The following LDLRAD3 variants were observed in gnomAD, a reference collection of about 807,000 sequenced individuals.
LDLRAD3 encodes low density lipoprotein receptor class A domain containing 3.
In LDLRAD3, 20 loss-of-function variants were observed where a neutral mutation model predicts 29.4. The observed-to-expected ratio is 0.68, with a 90% confidence interval of 0.48 to 0.99. LDLRAD3 has a LOEUF of 0.99. LDLRAD3 is among the 50% of genes least tolerant of loss of function. The pLI, the probability that LDLRAD3 is intolerant of heterozygous loss-of-function variation, is 0.00. For synonymous variants in LDLRAD3, 157 were observed against 192.7 expected, an observed-to-expected ratio of 0.81 and a Z score of 1.53; for missense variants, 420 against 454.3, an observed-to-expected ratio of 0.92 and a Z score of 0.69.
At position 36,231,593 on chromosome 11, in the gene LDLRAD3, G is replaced by T. The variant is rs1451566209; in HGVS notation, c.*2196G>T. The T allele has an allele frequency of 6.6e-6, 1 of 152,060 alleles. No homozygotes were observed. The highest frequency in any genetic ancestry group is 1.5e-5 in the Non-Finnish European group (1 of 67,998). The allele number at this position is 152,060 out of a possible 1,614,324, so 9.4% of individuals were successfully genotyped here. On this transcript the variant is annotated 3_prime_UTR_variant, in exon 6 of 6. Transcript: ENST00000315571. ...AATCTCACTCGCTTTTCTGCTTCCA[G>T]GCATCTTAGGAAAAACAAATGGTTT... is the stretch of plus-strand genomic sequence containing the variant.
At chr11:36,114,779 C>G (rs1853651983) in intron 4 of LDLRAD3, among the ~76,000 whole-genome samples, 1 of 152,282 alleles carries the variant, frequency 6.6e-6, no homozygotes, top group South Asian at 2.1e-4. Flanking sequence ...CATGGTGCGT[C>G]TCTCTTCCCA....
chr11:36,033,236 T>G (rs1448899351), intron 1 of LDLRAD3, among the ~76,000 whole-genome samples: 1 of 152,198 alleles, frequency 6.6e-6, no homozygotes, highest in East Asian at 1.9e-4. Flanking sequence ...ACCAGCTGCA[T>G]GCCTAATGCG....
intron 2 of LDLRAD3, among the ~76,000 whole-genome samples, chr11:36,068,645 TAGC>T (rs931055863): frequency 1.3e-5 from 2 of 152,106 alleles, no homozygotes; most frequent in African/African-American, 4.8e-5. Flanking sequence ...ACCTCCCGAG[TAGC>T]TGGGACTACA....
chr11:36,132,250 A>C (rs1853937325), intron 4 of LDLRAD3, among the ~76,000 whole-genome samples: 1 of 152,202 alleles, frequency 6.6e-6, no homozygotes, highest in South Asian at 2.1e-4. Flanking sequence ...AGGAGGCTGC[A>C]TTAAGAGGCT....
At chr11:36,011,455 G>C (rs1468092666) in intron 1 of LDLRAD3, among the ~76,000 whole-genome samples, 2 of 152,166 alleles carry the variant, frequency 1.3e-5, no homozygotes, top group Non-Finnish European at 2.9e-5. Context: ...CACTGGCTAG[G>C]AATTTTAGAA....
chr11:36,222,226 G>A (rs1039973333), intron 4 of LDLRAD3, among the ~76,000 whole-genome samples: 2 of 151,940 alleles, frequency 1.3e-5, no homozygotes, highest in Non-Finnish European at 2.9e-5. Context: ...ATGCCACTAC[G>A]CCCAGCTAAT....
chr11:36,090,979 C>T lies in LDLRAD3; in HGVS notation c.320-7348C>T, dbSNP rs565456852. On this transcript the variant is annotated intron_variant, in intron 3 of 5. Transcript: ENST00000315571. ...TCAAGGCAGCGAGCATTTTCCAAGT[C>T]ACAAAGGGTGCAGGGCTTGTTGTCG... Among the ~76,000 whole-genome samples the T allele has an allele frequency of 6.7e-4, 102 of 152,290 alleles. 1 individual carries two copies. The South Asian group carries it at 0.017, about 25-fold the overall frequency.
intron 4 of LDLRAD3, among the ~76,000 whole-genome samples, chr11:36,142,496 A>G (rs1480790512): frequency 6.6e-6 from 1 of 152,096 alleles, no homozygotes; most frequent in African/African-American, 2.4e-5. Context: ...GATGTCCTCA[A>G]CCTTCAGCAC....
At chr11:36,212,499 C>T (rs3980393) in intron 4 of LDLRAD3, among the ~76,000 whole-genome samples, 27,849 of 151,380 alleles carry the variant, frequency 0.18, 2,973 homozygotes, top group Admixed American at 0.31. Flanking sequence ...TGAATTCCTA[C>T]TTAAAAAATG....
chr11:35,978,600 T>C (rs1044117293), intron 1 of LDLRAD3, among the ~76,000 whole-genome samples: 3 of 152,194 alleles, frequency 2.0e-5, no homozygotes, highest in African/African-American at 7.2e-5. Flanking sequence ...GGCCCCTCTA[T>C]GTGTCAGTCC....
At chr11:36,138,340 A>ATG (rs1462362350) in intron 4 of LDLRAD3, among the ~76,000 whole-genome samples, 1 of 152,268 alleles carries the variant, frequency 6.6e-6, no homozygotes, top group Non-Finnish European at 1.5e-5. Flanking sequence ...TGCCTGGCAC[A>ATG]TGATGCGGGA....
intron 1 of LDLRAD3, among the ~76,000 whole-genome samples, chr11:35,995,623 G>T (rs1565149992): frequency 6.6e-6 from 1 of 152,234 alleles, no homozygotes; most frequent in African/African-American, 2.4e-5. Flanking sequence ...ATTCTGTCTA[G>T]ATATGAAAGT....
chr11:36,160,072 C>T (rs75036638), intron 4 of LDLRAD3, among the ~76,000 whole-genome samples: 2,066 of 152,256 alleles, frequency 0.014, 47 homozygotes, highest in African/African-American at 0.047. Context: ...TGGCTGTGAG[C>T]GAGGCAGATA....
intron 1 of LDLRAD3, chr11:35,997,573 C>T: frequency 3.3e-6 from 1 of 306,704 alleles, no homozygotes; most frequent in South Asian, 3.5e-5. Flanking sequence ...GCAGACATAC[C>T]CAGAGGGCCA....
At chr11:36,079,938 C>G (rs781587452) in intron 2 of LDLRAD3, among the ~76,000 whole-genome samples, 3 of 152,140 alleles carry the variant, frequency 2.0e-5, no homozygotes, top group Non-Finnish European at 4.4e-5. Flanking sequence ...AATTTGAACC[C>G]AGGACTGTCC....
At chr11:36,021,577 AGAGAGTG>A (rs1852096356) in intron 1 of LDLRAD3, among the ~76,000 whole-genome samples, 1 of 152,200 alleles carries the variant, frequency 6.6e-6, no homozygotes, top group Admixed American at 6.5e-5. Flanking sequence ...CAGATTCAGG[AGAGAGTG>A]ATGGTGGTGG....
intron 3 of LDLRAD3, among the ~76,000 whole-genome samples, chr11:36,084,870 A>G (rs973130094): frequency 1.3e-5 from 2 of 151,990 alleles, no homozygotes; most frequent in African/African-American, 4.8e-5. Flanking sequence ...AAACCTTGCC[A>G]CTCTCTAGGT....
chr11:35,972,215 C>T (rs565740730), intron 1 of LDLRAD3, among the ~76,000 whole-genome samples: 3 of 152,030 alleles, frequency 2.0e-5, no homozygotes, highest in Non-Finnish European at 4.4e-5. Context: ...TAAGGGAAGG[C>T]ACCACCGTAG....
rs145509828 is a variant in LDLRAD3, at chr11:35,949,044, T to A, written c.46+4900T>A. On this transcript the variant is annotated intron_variant, in intron 1 of 5. Transcript: ENST00000315571. The stretch of plus-strand genomic sequence containing the variant: ...ACTGTGCATCATTACTGTGCATCAT[T>A]ACTGTGCATCCTGAGTGTGTCTTCT... Among the ~76,000 whole-genome samples the A allele has an allele frequency of 6.0e-3, 834 of 140,020 alleles. 5 individuals are homozygous for A. The highest frequency in any genetic ancestry group is 0.025 in the African/African-American group (801 of 31,906). The allele number at this position is 140,020 out of a possible 152,430, so 91.9% of individuals were successfully genotyped here. A position where few individuals can be genotyped will look rare whatever the true frequency, so the allele number is the denominator to read the frequency against.
Sources: gnomAD v4.1 joint callset for allele counts (sites outside exome capture counted in the v4.1 genomes callset) on GRCh38, gnomAD v4.1.1 for gene constraint, MANE v1.5 for transcripts, NCBI Gene and HGNC (gene_info 2026-07-23, HGNC 2026-07-21) for gene names.